Variants in NRG1 observed in about 807,000 individuals in gnomAD.
NRG1 encodes the protein pro-neuregulin-1, membrane-bound isoform.
NRG1 carries 18 observed loss-of-function variants against 63.8 expected under a neutral mutation model. That is an observed-to-expected ratio of 0.28 (90% CI 0.19 to 0.42). The LOEUF is 0.42. Ranked by LOEUF, NRG1 falls within the 10% of genes least tolerant of loss-of-function variation. NRG1 has a pLI of 1.00. For missense variants in NRG1, 762 were observed against 814.7 expected, an observed-to-expected ratio of 0.94 and a Z score of 0.79; for synonymous variants, 302 against 301.3, an observed-to-expected ratio of 1.00 and a Z score of -0.02.
exon 4 of NRG1, chr8:32,614,541 C>A: frequency 1.2e-6 from 2 of 1,612,574 alleles, no homozygotes; most frequent in Non-Finnish European, 1.7e-6. Context: ...CCAGCCTCAA[C>A]TGAAGGAGCA....
chr8:32,048,751 G>A (rs189584456), intron 1 of NRG1, among the ~76,000 whole-genome samples: 2 of 151,830 alleles, frequency 1.3e-5, no homozygotes, highest in Admixed American at 1.3e-4. Flanking sequence ...ATGCCCGATG[G>A]CCACTTGTAT....
At chr8:32,038,165 T>C (rs1819376542) in intron 1 of NRG1, among the ~76,000 whole-genome samples, 1 of 152,208 alleles carries the variant, frequency 6.6e-6, no homozygotes, top group South Asian at 2.1e-4. Flanking sequence ...CAGAGATCCA[T>C]GGGAAAAGCG....
At chr8:32,496,331 G>A (rs1827191211) in intron 1 of NRG1, among the ~76,000 whole-genome samples, 1 of 152,148 alleles carries the variant, frequency 6.6e-6, no homozygotes, top group Non-Finnish European at 1.5e-5. Flanking sequence ...AGAAAAGATT[G>A]GCCAGTTATG....
intron 1 of NRG1, among the ~76,000 whole-genome samples, chr8:32,027,908 G>A (rs1216030084): frequency 6.6e-6 from 1 of 152,128 alleles, no homozygotes; most frequent in African/African-American, 2.4e-5. Context: ...GGTAGGAGCA[G>A]CTAAACTAAA....
chr8:32,725,709 C>T (rs929588381), intron 5 of NRG1, among the ~76,000 whole-genome samples: 8 of 151,844 alleles, frequency 5.3e-5, no homozygotes, highest in Admixed American at 4.6e-4. Flanking sequence ...CTCCTGACCT[C>T]ATGATCCTCC....
intron 1 of NRG1, among the ~76,000 whole-genome samples, chr8:32,075,125 T>G (rs2131077654): frequency 6.6e-6 from 1 of 152,294 alleles, no homozygotes; most frequent in East Asian, 1.9e-4. Context: ...TTGGCTGGAG[T>G]AAGCTCCATG....
intron 1 of NRG1, among the ~76,000 whole-genome samples, chr8:31,712,111 C>T (rs1049490447): frequency 2.6e-5 from 4 of 151,726 alleles, no homozygotes; most frequent in African/African-American, 2.4e-5. Context: ...TTTTGTTCTC[C>T]TTTTTTTAAT....
intron 1 of NRG1, among the ~76,000 whole-genome samples, chr8:31,897,663 C>A (rs575395191): frequency 6.6e-6 from 1 of 152,072 alleles, no homozygotes; most frequent in Non-Finnish European, 1.5e-5. Flanking sequence ...CCCAGACATT[C>A]CCTTCTATTC....
At chr8:32,632,172 C>T (rs569599789) in intron 5 of NRG1, among the ~76,000 whole-genome samples, 2 of 152,200 alleles carry the variant, frequency 1.3e-5, no homozygotes, top group East Asian at 3.9e-4. Context: ...ATCATTTTAG[C>T]AACATTTTAA....
intron 1 of NRG1, among the ~76,000 whole-genome samples, chr8:32,207,509 T>C (rs1417511509): frequency 1.3e-5 from 2 of 152,178 alleles, no homozygotes; most frequent in Admixed American, 1.3e-4. Context: ...CTCTGTCTGG[T>C]CAGAAGCTAC....
chr8:32,732,799 C>CTTTTTTTTTTTTTTTT (rs1173388613), intron 6 of NRG1, among the ~76,000 whole-genome samples: 1 of 83,362 alleles, frequency 1.2e-5, no homozygotes, highest in African/African-American at 4.6e-5. Flanking sequence ...TGTTTAATTT[C>CTTTTTTTTTTTTTTTT]TTTTTTTTTT....
At chr8:31,824,932 A>G (rs13260562) in intron 1 of NRG1, among the ~76,000 whole-genome samples, 20,513 of 152,226 alleles carry the variant, frequency 0.13, 1,541 homozygotes, top group Admixed American at 0.17. Flanking sequence ...AAAAATAACC[A>G]CATAACGGGA....
At chr8:31,924,513 G>A (rs1834176050) in intron 1 of NRG1, among the ~76,000 whole-genome samples, 1 of 151,776 alleles carries the variant, frequency 6.6e-6, no homozygotes, top group Non-Finnish European at 1.5e-5. Context: ...TCCTCAATAA[G>A]GCTTGTTAAG....
intron 1 of NRG1, among the ~76,000 whole-genome samples, chr8:32,092,295 A>G (rs749981686): frequency 6.6e-6 from 1 of 151,712 alleles, no homozygotes; most frequent in Non-Finnish European, 1.5e-5. Flanking sequence ...GTCTCTACAA[A>G]AAATAGAAAA....
intron 1 of NRG1, among the ~76,000 whole-genome samples, chr8:31,931,614 A>C (rs1834870890): frequency 1.3e-5 from 2 of 152,204 alleles, no homozygotes; most frequent in Non-Finnish European, 2.9e-5. Flanking sequence ...ATTGTCTGAA[A>C]AAATAAACAC....
At chr8:32,698,717 C>CTTA (rs989597047) in intron 5 of NRG1, among the ~76,000 whole-genome samples, 4 of 152,178 alleles carry the variant, frequency 2.6e-5, no homozygotes, top group African/African-American at 9.6e-5. Flanking sequence ...TCCTCTATGG[C>CTTA]TTACCCTCTT....
At chr8:32,663,761 G>T (rs1166155846) in intron 5 of NRG1, among the ~76,000 whole-genome samples, 1 of 152,108 alleles carries the variant, frequency 6.6e-6, no homozygotes, top group Non-Finnish European at 1.5e-5. Context: ...ACAGGGTGAA[G>T]GCTCCTGTTG....
chr8:32,310,674 C>T (rs147017384), intron 1 of NRG1, among the ~76,000 whole-genome samples: 41 of 152,266 alleles, frequency 2.7e-4, no homozygotes, highest in East Asian at 1.5e-3. Flanking sequence ...AGAATGAGCA[C>T]GGGAATAAAA....
intron 5 of NRG1, among the ~76,000 whole-genome samples, chr8:32,622,664 G>C (rs959238980): frequency 2.0e-5 from 3 of 152,128 alleles, no homozygotes; most frequent in Non-Finnish European, 4.4e-5. Flanking sequence ...CAAAGCGTTG[G>C]AATTGCAGGC....
Sources: allele counts gnomAD v4.1 joint callset (sites outside exome capture counted in the v4.1 genomes callset), GRCh38; gene constraint gnomAD v4.1.1; transcripts MANE v1.5; gene names NCBI Gene and HGNC (gene_info 2026-07-23, HGNC 2026-07-21).